Variants in MROH1 observed in about 807,000 individuals in gnomAD.
MROH1 encodes the protein maestro heat like repeat family member 1.
A neutral mutation model predicts 116.5 loss-of-function variants in MROH1; 117 were observed. The observed-to-expected ratio is 1.00, with a 90% CI of 0.86 to 1.17. MROH1 has a LOEUF of 1.17. MROH1 is among the 50% of genes most tolerant of loss of function. The pLI is 0.00. For missense variants in MROH1, 1,873 were observed against 1,338.5 expected (o/e 1.40, Z -6.23); for synonymous variants, 921 against 583.9 (o/e 1.58, Z -8.32).
chr8:144,185,080 G>T (rs569417918), intron 7 of MROH1, among the ~76,000 whole-genome samples: 2 of 152,234 alleles, frequency 1.3e-5, no homozygotes, highest in Non-Finnish European at 2.9e-5. Flanking sequence ...CTCTGTCGGG[G>T]AGGGAAGTGT....
chr8:144,235,805 G>T (rs1205111722), intron 14 of MROH1, among the ~76,000 whole-genome samples: 1 of 152,152 alleles, frequency 6.6e-6, no homozygotes, highest in Non-Finnish European at 1.5e-5. Flanking sequence ...GCCTTTGTAT[G>T]ATATTTGTAA....
At chr8:144,187,710 G>A (rs111920759) in intron 7 of MROH1, among the ~76,000 whole-genome samples, 325 of 152,308 alleles carry the variant, frequency 2.1e-3, no homozygotes, top group Non-Finnish European at 3.3e-3. Flanking sequence ...TTGGGTTTGC[G>A]CCTGGAGGTG....
intron 2 of MROH1, among the ~76,000 whole-genome samples, chr8:144,161,944 C>T (rs906806046): frequency 2.6e-5 from 4 of 152,214 alleles, no homozygotes; most frequent in African/African-American, 7.2e-5. Context: ...CCACGTCAGG[C>T]GTGCCCTTGT....
chr8:144,197,357 A>C (rs1040813646), intron 10 of MROH1, among the ~76,000 whole-genome samples: 1 of 140,090 alleles, frequency 7.1e-6, no homozygotes, highest in Non-Finnish European at 1.5e-5. Flanking sequence ...TCCCCACAAC[A>C]TGGTGGCTAG....
chr8:144,242,069 C>G (rs1324347028), intron 22 of MROH1: 8 of 523,044 alleles, frequency 1.5e-5, no homozygotes, highest in Non-Finnish European at 2.8e-5. Context: ...CTGCCTGACT[C>G]TCTCACGTGG....
intron 12 of MROH1, among the ~76,000 whole-genome samples, chr8:144,211,448 G>A (rs1431568851): frequency 6.6e-6 from 1 of 152,056 alleles, no homozygotes; most frequent in Non-Finnish European, 1.5e-5. Flanking sequence ...AGGGTTGGCC[G>A]GGCACAGTGG....
chr8:144,200,114 C>T (rs1157725935), intron 11 of MROH1, among the ~76,000 whole-genome samples: 1 of 152,158 alleles, frequency 6.6e-6, no homozygotes, highest in South Asian at 2.1e-4. Flanking sequence ...TCAAGAGGGG[C>T]TACTGATGGC....
chr8:144,258,577 C>T (rs1446685156), intron 35 of MROH1, among the ~76,000 whole-genome samples, 200 bp from the exon 36 acceptor site: 1 of 152,224 alleles, frequency 6.6e-6, no homozygotes, highest in Non-Finnish European at 1.5e-5. Context: ...TCCAAGCCAA[C>T]ATCTGCGTCC....
At chr8:144,199,834 G>A in intron 11 of MROH1, among the ~76,000 whole-genome samples, 1 of 152,200 alleles carries the variant, frequency 6.6e-6, no homozygotes, top group East Asian at 1.9e-4. Flanking sequence ...ATCCGCAGGA[G>A]GGGTGTGGGG....
chr8:144,224,977 T>C (rs1387225573), intron 14 of MROH1, among the ~76,000 whole-genome samples: 1 of 152,216 alleles, frequency 6.6e-6, no homozygotes, highest in African/African-American at 2.4e-5. Context: ...AGTTATTATT[T>C]TACTGTTTTA....
chr8:144,250,523 G>C, intron 33 of MROH1, 157 bp downstream of exon 33: 1 of 692,282 alleles, frequency 1.4e-6, no homozygotes, highest in Admixed American at 2.0e-5. Flanking sequence ...ATGGAGCCAG[G>C]CCCCAGTCTC....
At chr8:144,250,758 A>G (rs1288644527) in intron 33 of MROH1, 6 of 370,546 alleles carry the variant, frequency 1.6e-5, no homozygotes, top group South Asian at 4.3e-5. Flanking sequence ...TCTGCAGGGC[A>G]TCCACTGCTG....
intron 7 of MROH1, 82 bp from the exon 8 acceptor site, chr8:144,190,702 A>C: frequency 6.6e-7 from 1 of 1,524,838 alleles, no homozygotes; most frequent in South Asian, 1.3e-5. Context: ...GGATTTCTGG[A>C]AGGGGCAGGA....
At chr8:144,233,643 T>C (rs1839412555) in intron 14 of MROH1, among the ~76,000 whole-genome samples, 1 of 152,228 alleles carries the variant, frequency 6.6e-6, no homozygotes, top group South Asian at 2.1e-4. Flanking sequence ...CATAAGGTCC[T>C]GAATGTTCTC....
At chr8:144,156,708 CAAAAAAAAAAAAA>C (rs1176108997) in intron 1 of MROH1, among the ~76,000 whole-genome samples, 1 of 56,134 alleles carries the variant, frequency 1.8e-5, no homozygotes, top group African/African-American at 6.4e-5. Context: ...GACTCTGTCT[CAAAAAAAAAAAAA>C]AAAAAAAAAG....
intron 12 of MROH1, among the ~76,000 whole-genome samples, chr8:144,216,280 C>T (rs1835243379): frequency 6.6e-6 from 1 of 151,704 alleles, no homozygotes. Flanking sequence ...CGAGACCATC[C>T]TGGTTAACAC....
intron 12 of MROH1, among the ~76,000 whole-genome samples, chr8:144,214,672 C>T (rs1228716533): frequency 6.6e-6 from 1 of 152,158 alleles, no homozygotes; most frequent in Non-Finnish European, 1.5e-5. Flanking sequence ...GCCACCCCAG[C>T]CATTGTTCGT....
rs1387983125 is a variant in MROH1, at chr8:144,261,641, T to C, written c.4841-14T>C. ...GGTCACAGCCCGCAGGCAGCCCCCC[T>C]CCTCTACCCCCAGCGCTCCAGATCC... On this transcript the variant is annotated splice_polypyrimidine_tract_variant and intron_variant, in intron 43 of 43. Coordinates refer to ENST00000326134, the MANE Select transcript of MROH1 (RefSeq NM_032450.3). The C allele has an allele frequency of 7.0e-6, 5 of 709,624 alleles. No individual in the cohort carries two copies. The highest frequency in any genetic ancestry group is 3.9e-5 in the Admixed American group (2 of 51,800). The allele number at this position is 709,624 out of a possible 1,614,324, so 44.0% of individuals were successfully genotyped here.
At chr8:144,186,482 A>G (rs1827200606) in intron 7 of MROH1, among the ~76,000 whole-genome samples, 1 of 152,140 alleles carries the variant, frequency 6.6e-6, no homozygotes, top group African/African-American at 2.4e-5. Flanking sequence ...AGCCTCACTC[A>G]GGGTCTGCCC....
Sources: allele counts gnomAD v4.1 joint callset (sites outside exome capture counted in the v4.1 genomes callset), GRCh38; gene constraint gnomAD v4.1.1; transcripts MANE v1.5; gene names NCBI Gene and HGNC (gene_info 2026-07-23, HGNC 2026-07-21).